The following KPNA1 variants were observed in gnomAD, a reference collection of about 807,000 sequenced individuals.
KPNA1 encodes the protein karyopherin subunit alpha 1.
Under a neutral mutation model 70.5 loss-of-function variants are expected in KPNA1, and 10 were observed. The observed-to-expected ratio is 0.14, with a 90% CI of 0.09 to 0.24. The LOEUF (loss-of-function observed/expected upper bound fraction) is 0.24. Among genes scored for constraint, KPNA1 ranks in the 10% least tolerant of loss-of-function variants. KPNA1 has a pLI of 1.00. For synonymous variants in KPNA1, 192 were observed against 221.9 expected (o/e 0.87, Z 1.20); for missense variants, 397 against 637.9 (o/e 0.62, Z 4.07).
chr3:122,478,326 G>C (rs970931876), intron 2 of KPNA1, among the ~76,000 whole-genome samples: 3 of 151,648 alleles, frequency 2.0e-5, no homozygotes, highest in Non-Finnish European at 4.4e-5. Context: ...AGACCTAAAT[G>C]TAATAAAAAA....
At chr3:122,463,048 T>G (rs1030535573) in intron 4 of KPNA1, among the ~76,000 whole-genome samples, 1 of 151,942 alleles carries the variant, frequency 6.6e-6, no homozygotes, top group African/African-American at 2.4e-5. Context: ...TGAAATCCTA[T>G]CTCTACTAAA....
At chr3:122,510,039 C>G (rs1393963191) in intron 1 of KPNA1, among the ~76,000 whole-genome samples, 1 of 151,986 alleles carries the variant, frequency 6.6e-6, no homozygotes, top group Non-Finnish European at 1.5e-5. Context: ...CAAGAGTAAC[C>G]CTGGAAGAAA....
intron 2 of KPNA1, among the ~76,000 whole-genome samples, chr3:122,495,562 G>A (rs12639473): frequency 1.3e-5 from 2 of 151,768 alleles, no homozygotes; most frequent in African/African-American, 2.4e-5. Context: ...ATTATCTAAC[G>A]CAGTGTTTCA....
chr3:122,497,961 G>A (rs1295832845), intron 1 of KPNA1, among the ~76,000 whole-genome samples: 1 of 152,042 alleles, frequency 6.6e-6, no homozygotes, highest in Non-Finnish European at 1.5e-5. Context: ...TGCTTTTGGT[G>A]TCATATCCAA....
chr3:122,503,686 G>A (rs956187152), intron 1 of KPNA1, among the ~76,000 whole-genome samples: 1 of 152,022 alleles, frequency 6.6e-6, no homozygotes, highest in Admixed American at 6.5e-5. Flanking sequence ...TTACTGAAAT[G>A]GTCATTATTT....
chr3:122,447,517 A>G (rs1396826277), intron 9 of KPNA1, among the ~76,000 whole-genome samples: 1 of 152,180 alleles, frequency 6.6e-6, no homozygotes, highest in East Asian at 1.9e-4. Flanking sequence ...TTGATGGACC[A>G]TATCTCAAAA....
At chr3:122,483,714 G>A (rs576286959) in intron 2 of KPNA1, among the ~76,000 whole-genome samples, 1 of 152,116 alleles carries the variant, frequency 6.6e-6, no homozygotes, top group Non-Finnish European at 1.5e-5. Context: ...ATTTTTAAAA[G>A]GAGGGAATCC....
intron 2 of KPNA1, among the ~76,000 whole-genome samples, chr3:122,468,035 A>T (rs367861459): frequency 6.6e-6 from 1 of 152,214 alleles, no homozygotes. Context: ...TGGGCAGCAC[A>T]TTTATTCATC....
At chr3:122,429,168 A>C (rs913626166) in intron 12 of KPNA1, among the ~76,000 whole-genome samples, 1 of 152,134 alleles carries the variant, frequency 6.6e-6, no homozygotes, top group African/African-American at 2.4e-5. Context: ...CTCAGCAAAC[A>C]GGCCAGGCAT....
intron 5 of KPNA1, chr3:122,459,554 T>C (rs962094212): frequency 1.0e-6 from 1 of 985,484 alleles, no homozygotes; most frequent in Non-Finnish European, 1.2e-6. Context: ...GCAGTGTTGG[T>C]TGTCTGGATT....
At chr3:122,427,436 CTT>C in intron 13 of KPNA1, 100 bp downstream of exon 13, 1 of 1,196,798 alleles carries the variant, frequency 8.4e-7, no homozygotes, top group East Asian at 2.4e-5. Flanking sequence ...TAACAGTCCT[CTT>C]TTCATCCAGT....
At chr3:122,475,868 G>C (rs1488593092) in intron 2 of KPNA1, among the ~76,000 whole-genome samples, 1 of 152,146 alleles carries the variant, frequency 6.6e-6, no homozygotes, top group Non-Finnish European at 1.5e-5. Context: ...AATTCATAAA[G>C]TGGAAGTGGA....
At chr3:122,475,665 T>C (rs1044987910) in intron 2 of KPNA1, among the ~76,000 whole-genome samples, 7 of 152,110 alleles carry the variant, frequency 4.6e-5, no homozygotes, top group African/African-American at 7.2e-5. Flanking sequence ...AAAACCTACA[T>C]ATAACTTTTA....
At chr3:122,440,292 ATAATGT>A (rs2076045500) in intron 10 of KPNA1, among the ~76,000 whole-genome samples, 1 of 152,228 alleles carries the variant, frequency 6.6e-6, no homozygotes, top group Admixed American at 6.5e-5. Flanking sequence ...CTCAGAGAAA[ATAATGT>A]TAATACCAAG....
At chr3:122,430,431 G>T (rs1404865485) in intron 12 of KPNA1, among the ~76,000 whole-genome samples, 1 of 151,534 alleles carries the variant, frequency 6.6e-6, no homozygotes, top group Non-Finnish European at 1.5e-5. Flanking sequence ...AATTGGTTTT[G>T]ATATATACAA....
At chr3:122,504,033 T>C (rs958022901) in intron 1 of KPNA1, among the ~76,000 whole-genome samples, 2 of 152,210 alleles carry the variant, frequency 1.3e-5, no homozygotes, top group East Asian at 1.9e-4. Context: ...TAATGCATGC[T>C]ATTACACATT....
At position 122,423,169 on chromosome 3, in the gene KPNA1, T is replaced by C. The variant is rs1201820121; in HGVS notation, c.*3816A>G. The stretch of plus-strand genomic sequence containing the variant: ...TATGATAGCCAACTTACTGTAGTAG[T>C]CACATCTGACCTTTGATAATTTTTT... On this transcript the variant is annotated 3_prime_UTR_variant, in exon 14 of 14. Transcript: ENST00000344337. The C allele has an allele frequency of 1.3e-5, 2 of 152,194 alleles. No homozygotes were observed. The highest frequency in any genetic ancestry group is 4.8e-5 in the African/African-American group (2 of 41,444). The allele number at this position is 152,194 out of a possible 1,614,324, so 9.4% of individuals were successfully genotyped here.
chr3:122,504,125 G>T (rs550932013), intron 1 of KPNA1, among the ~76,000 whole-genome samples: 1 of 152,226 alleles, frequency 6.6e-6, no homozygotes, highest in Non-Finnish European at 1.5e-5. Context: ...ATGTGCCAAT[G>T]TTGGTTCATC....
intron 5 of KPNA1, chr3:122,460,767 C>T: frequency 1.6e-6 from 1 of 644,434 alleles, no homozygotes; most frequent in Non-Finnish European, 1.9e-6. Context: ...AGATTCCTGA[C>T]AAAGTTATCT....
Sources: gnomAD v4.1 joint callset for allele counts (sites outside exome capture counted in the v4.1 genomes callset) on GRCh38, gnomAD v4.1.1 for gene constraint, MANE v1.5 for transcripts, NCBI Gene and HGNC (gene_info 2026-07-23, HGNC 2026-07-21) for gene names.